FILIP1: variants seen among roughly 807,000 people sequenced by gnomAD.
FILIP1 encodes the protein filamin-A-interacting protein 1.
Under a neutral mutation model 102.1 loss-of-function variants are expected in FILIP1, and 61 were observed. That is an observed-to-expected ratio of 0.60 (90% CI 0.49 to 0.74). The LOEUF is 0.74. Among genes scored for constraint, FILIP1 ranks in the 30% least tolerant of loss-of-function variants. The pLI is 0.00. For missense variants in FILIP1, 1,314 were observed against 1,441.2 expected (o/e 0.91, Z 1.43); for synonymous variants, 491 against 526.9 (o/e 0.93, Z 0.93).
intron 2 of FILIP1, among the ~76,000 whole-genome samples, chr6:75,387,350 T>A (rs1776135136): frequency 6.6e-6 from 1 of 152,336 alleles, no homozygotes; most frequent in South Asian, 2.1e-4. Flanking sequence ...GCAATAAACA[T>A]ATGTGTGCAT....
chr6:75,487,135 AG>A (rs1297385445), intron 1 of FILIP1, among the ~76,000 whole-genome samples: 3 of 152,188 alleles, frequency 2.0e-5, no homozygotes, highest in Admixed American at 1.3e-4. Flanking sequence ...TCCAAATACC[AG>A]GCTGCTCTTC....
chr6:75,387,775 G>A (rs1776147617), intron 2 of FILIP1, among the ~76,000 whole-genome samples: 1 of 152,078 alleles, frequency 6.6e-6, no homozygotes, highest in Admixed American at 6.6e-5. Context: ...ATAGATTCTG[G>A]ATATTAGTCC....
intron 2 of FILIP1, among the ~76,000 whole-genome samples, chr6:75,397,537 GACACACAC>G (rs59797690): frequency 0.37 from 50,989 of 138,828 alleles, 9,284 homozygotes; most frequent in South Asian, 0.48. Flanking sequence ...ACACATATAA[GACACACAC>G]ACACACACAC....
chr6:75,404,076 C>G (rs1264656500), intron 2 of FILIP1, among the ~76,000 whole-genome samples: 1 of 152,054 alleles, frequency 6.6e-6, no homozygotes, highest in Non-Finnish European at 1.5e-5. Flanking sequence ...CACCCAAGAC[C>G]CTGTAATAGT....
intron 4 of FILIP1, among the ~76,000 whole-genome samples, chr6:75,323,068 A>G (rs148137136): frequency 1.3e-5 from 2 of 152,166 alleles, no homozygotes; most frequent in African/African-American, 4.8e-5. Flanking sequence ...CAACTAGAAG[A>G]CTTTAAAAGT....
At chr6:75,449,053 T>C (rs1196519891) in intron 1 of FILIP1, among the ~76,000 whole-genome samples, 1 of 151,978 alleles carries the variant, frequency 6.6e-6, no homozygotes, top group Non-Finnish European at 1.5e-5. Context: ...CAATTCGCAA[T>C]TGCAAAAAAG....
chr6:75,467,850 C>T (rs1470701292), intron 1 of FILIP1, among the ~76,000 whole-genome samples: 1 of 152,128 alleles, frequency 6.6e-6, no homozygotes, highest in Non-Finnish European at 1.5e-5. Context: ...ATACGAAGGA[C>T]AAGAGGGAGG....
chr6:75,330,344 G>C (rs1030753684), intron 4 of FILIP1, among the ~76,000 whole-genome samples: 2 of 152,054 alleles, frequency 1.3e-5, no homozygotes, highest in African/African-American at 4.8e-5. Flanking sequence ...TTTGAGCTTT[G>C]TTTTTGTTTT....
intron 2 of FILIP1, among the ~76,000 whole-genome samples, chr6:75,406,989 ATC>A (rs1452710327): frequency 6.6e-6 from 1 of 152,038 alleles, no homozygotes; most frequent in Non-Finnish European, 1.5e-5. Flanking sequence ...TGTAAGATCA[ATC>A]CATTTTGAAT....
At chr6:75,488,311 A>T (rs1008927548) in intron 1 of FILIP1, among the ~76,000 whole-genome samples, 1 of 152,066 alleles carries the variant, frequency 6.6e-6, no homozygotes, top group Non-Finnish European at 1.5e-5. Context: ...GACTTTCCTT[A>T]TTCTAAATTC....
intron 6 of FILIP1, among the ~76,000 whole-genome samples, chr6:75,301,926 G>T (rs978865609): frequency 6.6e-6 from 1 of 152,060 alleles, no homozygotes; most frequent in Non-Finnish European, 1.5e-5. Context: ...GGTGGTGTTT[G>T]GTCCTTTAAA....
chr6:75,476,508 T>C (rs1056459693), intron 1 of FILIP1, among the ~76,000 whole-genome samples: 2 of 152,156 alleles, frequency 1.3e-5, no homozygotes, highest in Non-Finnish European at 2.9e-5. Flanking sequence ...TAAGTTGAGT[T>C]AAAGAAAGTA....
intron 1 of FILIP1, among the ~76,000 whole-genome samples, chr6:75,491,595 G>C (rs1344336897): frequency 6.6e-6 from 1 of 152,126 alleles, no homozygotes; most frequent in African/African-American, 2.4e-5. Context: ...GGAAGACATG[G>C]CAATGGAATC....
chr6:75,405,361 G>A (rs1329050214), intron 2 of FILIP1, among the ~76,000 whole-genome samples: 1 of 151,068 alleles, frequency 6.6e-6, no homozygotes, highest in Non-Finnish European at 1.5e-5. Flanking sequence ...AAAGAAGGGG[G>A]AAAATTAGCT....
intron 2 of FILIP1, among the ~76,000 whole-genome samples, chr6:75,369,505 G>GT (rs1024670937): frequency 3.3e-5 from 5 of 151,998 alleles, no homozygotes; most frequent in Admixed American, 1.3e-4. Context: ...TTTTTTAAAG[G>GT]TACAACGCCA....
At chr6:75,463,153 T>C (rs1179820042) in intron 1 of FILIP1, among the ~76,000 whole-genome samples, 1 of 152,216 alleles carries the variant, frequency 6.6e-6, no homozygotes, top group Non-Finnish European at 1.5e-5. Context: ...TTTAGTTCCA[T>C]GTTCTGGCGT....
intron 1 of FILIP1, 73 bp downstream of exon 1, chr6:75,493,341 A>G (rs892102523): frequency 6.6e-6 from 1 of 152,220 alleles, no homozygotes; most frequent in Admixed American, 6.5e-5. Flanking sequence ...ACAAAACAGA[A>G]TGGGAGAGAA....
intron 4 of FILIP1, among the ~76,000 whole-genome samples, chr6:75,345,133 A>G (rs1420885602): frequency 6.6e-6 from 1 of 152,162 alleles, no homozygotes; most frequent in African/African-American, 2.4e-5. Flanking sequence ...GCATTCCTAC[A>G]TAGCTTGTTG....
intron 2 of FILIP1, among the ~76,000 whole-genome samples, chr6:75,404,380 C>T (rs928412912): frequency 2.6e-5 from 4 of 152,200 alleles, no homozygotes; most frequent in South Asian, 2.1e-4. Context: ...TGCTGGGCAC[C>T]GTCTCATCAA....
Sources: allele counts gnomAD v4.1 joint callset (sites outside exome capture counted in the v4.1 genomes callset), GRCh38; gene constraint gnomAD v4.1.1; transcripts MANE v1.5; gene names NCBI Gene and HGNC (gene_info 2026-07-23, HGNC 2026-07-21).